The following TICRR variants were observed in gnomAD, a reference collection of about 807,000 sequenced individuals.
TICRR encodes the protein treslin.
Under a neutral mutation model 178.1 loss-of-function variants are expected in TICRR, and 132 were observed. That is an observed-to-expected ratio of 0.74 (90% CI 0.64 to 0.86). TICRR has a LOEUF of 0.86. TICRR is among the 40% of genes least tolerant of loss of function. The pLI is 0.00. For synonymous variants in TICRR, 991 were observed against 900.7 expected, an observed-to-expected ratio of 1.10 and a Z score of -1.79; for missense variants, 2,587 against 2,334.3, an observed-to-expected ratio of 1.11 and a Z score of -2.23.
intron 16 of TICRR, among the ~76,000 whole-genome samples, chr15:89,617,099 C>T (rs1299194854): frequency 6.6e-6 from 1 of 152,190 alleles, no homozygotes; most frequent in Non-Finnish European, 1.5e-5. Flanking sequence ...GTCCCAAAGT[C>T]CCCAGCCAGG....
intron 15 of TICRR, among the ~76,000 whole-genome samples, chr15:89,612,863 A>G (rs1463244900): frequency 1.3e-5 from 2 of 152,222 alleles, no homozygotes; most frequent in African/African-American, 4.8e-5. Flanking sequence ...TCTACTGACT[A>G]TCCCTTCTTA....
chr15:89,611,771 T>A (rs775641398), intron 15 of TICRR, among the ~76,000 whole-genome samples: 1 of 152,160 alleles, frequency 6.6e-6, no homozygotes, highest in Non-Finnish European at 1.5e-5. Context: ...ACCCTTCTAG[T>A]TAGTTTTTTC....
chr15:89,594,094 A>T (rs8032553), intron 5 of TICRR, among the ~76,000 whole-genome samples: 3 of 152,038 alleles, frequency 2.0e-5, no homozygotes, highest in Admixed American at 6.5e-5. Flanking sequence ...TGAGTAAAAA[A>T]TAACTATGGA....
chr15:89,625,443 G>C lies in TICRR; in HGVS notation c.5133G>C (p.Gly1711=), dbSNP rs146807618. ...GRGEVGADLP[G]SLSLLESEGK... is the part of the protein sequence containing the mutation. The stretch of plus-strand genomic sequence containing the variant: ...GCGAGGTCGGTGCAGACCTTCCTGG[G>C]AGCCTGTCACTGCTTGAGTCAGAGG... Residue 1711 remains glycine, a synonymous_variant, in exon 20 of 22, where the codon GGG becomes GGC. Transcript: ENST00000268138. 363 of 1,613,970 alleles carry C rather than the reference G, an allele frequency of 2.2e-4. 5 individuals are homozygous for C. The African/African-American group carries it at 4.5e-3, about 20-fold the overall frequency.
At chr15:89,599,876 G>T (rs192746248) in intron 8 of TICRR, among the ~76,000 whole-genome samples, 6 of 152,166 alleles carry the variant, frequency 3.9e-5, no homozygotes, top group Non-Finnish European at 7.3e-5. Flanking sequence ...GGGAGGCCAG[G>T]GTGGGTGGAT....
At position 89,627,351 on chromosome 15, in the gene TICRR, A is replaced by G; in HGVS notation, c.*265A>G. The G allele has an allele frequency of 4.7e-6, 2 of 427,152 alleles. No individual in the cohort carries two copies. Among genetic ancestry groups the G allele is most frequent in the South Asian group, 9.0e-5 (2 of 22,174 alleles). The allele number at this position is 427,152 out of a possible 1,614,324, so 26.5% of individuals were successfully genotyped here. A position where few individuals can be genotyped will look rare whatever the true frequency, so the allele number is the denominator to read the frequency against. On this transcript the variant is annotated 3_prime_UTR_variant, in exon 22 of 22. Transcript: ENST00000268138. ...AGCCTGGGAGTCAGGAACCCAGACA[A>G]GGAATCCCATTCCAGCCTCACCCCA...
At chr15:89,597,114 A>G (rs1325212506) in intron 7 of TICRR, among the ~76,000 whole-genome samples, 1 of 152,122 alleles carries the variant, frequency 6.6e-6, no homozygotes, top group African/African-American at 2.4e-5. Context: ...CTGTACATCA[A>G]GTTTATTAAT....
At chr15:89,599,242 C>T (rs1963052393) in intron 7 of TICRR, 82 bp from the exon 8 acceptor site, 1 of 1,009,696 alleles carries the variant, frequency 9.9e-7, no homozygotes, top group African/African-American at 1.7e-5. Flanking sequence ...AAATATTTTC[C>T]CCAGTGGACA....
intron 15 of TICRR, among the ~76,000 whole-genome samples, chr15:89,614,163 TAAATA>T (rs780592519): frequency 1.3e-4 from 19 of 151,902 alleles, no homozygotes; most frequent in Non-Finnish European, 2.6e-4. Flanking sequence ...CAAAAATAAA[TAAATA>T]AATAAATAAA....
At chr15:89,576,948 G>A (rs1401125848) in intron 1 of TICRR, among the ~76,000 whole-genome samples, 1 of 150,746 alleles carries the variant, frequency 6.6e-6, no homozygotes, top group Non-Finnish European at 1.5e-5. Flanking sequence ...ATGTCGCCCA[G>A]GCTGGAATGC....
intron 13 of TICRR, among the ~76,000 whole-genome samples, chr15:89,606,140 C>T (rs1405130580): frequency 6.6e-6 from 1 of 152,130 alleles, no homozygotes; most frequent in African/African-American, 2.4e-5. Flanking sequence ...TTTCTATATG[C>T]ACCAATAACA....
chr15:89,595,353 A>G (rs761925102), intron 6 of TICRR, 40 bp from the exon 7 acceptor site: 1 of 1,458,162 alleles, frequency 6.9e-7, no homozygotes, highest in Non-Finnish European at 9.6e-7. Flanking sequence ...ACAGAAGTGG[A>G]AGGCAATTTA....
chr15:89,627,240 C>G lies in TICRR; in HGVS notation c.*154C>G, dbSNP rs1963548872. 1.2e-6 allele frequency: 1 copy of G among 869,146 alleles called. No homozygotes were observed. Among genetic ancestry groups the G allele is most frequent in the Non-Finnish European group, 1.7e-6 (1 of 579,238 alleles). 53.8% of individuals were successfully genotyped at this position (869,146 alleles called of 1,614,324 possible). On this transcript the variant is annotated 3_prime_UTR_variant, in exon 22 of 22. Transcript: ENST00000268138. ...GGGTTTTCTAATTCCCCTTATGGAT[C>G]CAATCCATCTCCTGGCCCTGCCCCT...
rs183424635 is a variant in TICRR at position 89,616,032 on chromosome 15, G to A, written c.2870-373G>A. Among the ~76,000 whole-genome samples the A allele has an allele frequency of 3.3e-5, 5 of 151,946 alleles. No homozygotes were observed. The South Asian group carries it at 6.2e-4, about 19-fold the overall frequency. On this transcript the variant is annotated intron_variant, in intron 15 of 21. Coordinates refer to ENST00000268138, the MANE Select transcript of TICRR (RefSeq NM_152259.4). Reference sequence around the variant, plus strand: ...CCCAAGTAGCTGGGCTTACAGGCACGCACCACCTCGCCCAGTTAATTTTTG... The same window carrying A: ...CCCAAGTAGCTGGGCTTACAGGCACACACCACCTCGCCCAGTTAATTTTTG...
intron 3 of TICRR, 45 bp from the exon 4 acceptor site, chr15:89,585,663 C>A: frequency 7.7e-7 from 1 of 1,298,394 alleles, no homozygotes; most frequent in Non-Finnish European, 1.1e-6. Flanking sequence ...CTTCTTTAGG[C>A]ATATTGACAA....
chr15:89,589,162 C>T (rs902199504), intron 4 of TICRR, among the ~76,000 whole-genome samples: 2 of 151,986 alleles, frequency 1.3e-5, no homozygotes, highest in East Asian at 1.9e-4. Context: ...GGATGGGAGA[C>T]GGAAGGAGCA....
intron 17 of TICRR, 74 bp downstream of exon 17, chr15:89,618,284 C>G: frequency 3.0e-6 from 4 of 1,327,302 alleles, no homozygotes; most frequent in Non-Finnish European, 4.3e-6. Flanking sequence ...TGTATTGTTA[C>G]TTGGCATATC....
At chr15:89,620,781 G>C (rs966422995) in intron 18 of TICRR, among the ~76,000 whole-genome samples, 3 of 152,060 alleles carry the variant, frequency 2.0e-5, no homozygotes, top group African/African-American at 7.2e-5. Context: ...GGAGTGCAGT[G>C]GCGCAATCTT....
At chr15:89,616,360 T>G in intron 15 of TICRR, 45 bp from the exon 16 acceptor site, 232 of 1,548,190 alleles carry the variant, frequency 1.5e-4, no homozygotes, top group Non-Finnish European at 1.9e-4. Context: ...TGCTTCTTGA[T>G]GAGGTTAAAT....
Sources: gnomAD v4.1 joint callset for allele counts (sites outside exome capture counted in the v4.1 genomes callset) on GRCh38, gnomAD v4.1.1 for gene constraint, MANE v1.5 for transcripts, NCBI Gene and HGNC (gene_info 2026-07-23, HGNC 2026-07-21) for gene names.